AVL9: variants seen among roughly 807,000 people sequenced by gnomAD.
AVL9 encodes late secretory pathway protein AVL9 homolog.
In AVL9, 49 loss-of-function variants were observed where a neutral mutation model predicts 79.2. The observed-to-expected ratio is 0.62, with a 90% CI of 0.49 to 0.79. The LOEUF is 0.79. Among genes scored for constraint, AVL9 ranks in the 30% least tolerant of loss-of-function variants. The probability of loss-of-function intolerance (pLI) is 0.00; values close to 1 mark genes in which losing one functional copy is unlikely to be tolerated. For missense variants in AVL9, 682 were observed against 776.8 expected (o/e 0.88, Z 1.45); for synonymous variants, 299 against 280.6 (o/e 1.07, Z -0.65).
chr7:32,515,897 A>G (rs1276613156), intron 1 of AVL9, among the ~76,000 whole-genome samples: 3 of 152,028 alleles, frequency 2.0e-5, no homozygotes, highest in Admixed American at 6.6e-5. Flanking sequence ...AGAAAAAAAA[A>G]TCAATTTCTG....
At chr7:32,583,532 A>G (rs1562805138) in intron 15 of AVL9, among the ~76,000 whole-genome samples, 1 of 152,056 alleles carries the variant, frequency 6.6e-6, no homozygotes, top group African/African-American at 2.4e-5. Context: ...TCAAAAAATT[A>G]CCCAGGTGTG....
At chr7:32,522,710 A>G (rs1305104312) in intron 1 of AVL9, among the ~76,000 whole-genome samples, 1 of 152,088 alleles carries the variant, frequency 6.6e-6, no homozygotes, top group Non-Finnish European at 1.5e-5. Context: ...AGGACATGAA[A>G]TTTGGAGGGC....
intron 1 of AVL9, among the ~76,000 whole-genome samples, chr7:32,541,850 G>A (rs1200043810): frequency 6.6e-6 from 1 of 152,016 alleles, no homozygotes; most frequent in Non-Finnish European, 1.5e-5. Flanking sequence ...GAGTAGCTGG[G>A]ATTACAGGCA....
At chr7:32,526,281 G>A (rs535027821) in intron 1 of AVL9, among the ~76,000 whole-genome samples, 1 of 152,304 alleles carries the variant, frequency 6.6e-6, no homozygotes, top group South Asian at 2.1e-4. Context: ...AGGAGGTGCT[G>A]TTTTGGGAAA....
In AVL9 at chr7:32,559,044, C is replaced by T. The variant is rs2290214; in HGVS notation, c.795C>T (p.Ser265=). ...GTGCAGATGATTTTGTTTCTGCATC[C>T]ACTGCTGATGTTTCACATACCAACT... is the stretch of plus-strand genomic sequence containing the variant. The part of the protein sequence containing the change: ...NPCADDFVSA[S]TADVSHTNLG... The change falls in exon 10 of 16, where the codon TCC becomes TCT. Residue 265 remains serine, a synonymous_variant. Transcript: ENST00000318709. The T allele has an allele frequency of 0.17, 281,032 of 1,612,996 alleles. 27,085 individuals are homozygous for T. The highest frequency in any genetic ancestry group is 0.33 in the African/African-American group (24,677 of 74,888).
Position 32,553,739 on chromosome 7 carries a change from G to C in AVL9, c.542G>C (p.Arg181Pro), listed in dbSNP as rs1357790661. The change falls in exon 7 of 16, where the codon CGA becomes CCA. Residue 181 changes from arginine (R) to proline (P), a missense_variant. Coordinates refer to ENST00000318709, the MANE Select transcript of AVL9 (RefSeq NM_015060.3). The part of the protein sequence containing the change: ...GSQVYLGLSP[R>P]DLVLHFRHKV... Reference sequence around the variant, plus strand: ...GTTAACATTGTAGGTCTGTCACCTCGAGATCTTGTCCTTCATTTTCGACAC... The same window carrying C: ...GTTAACATTGTAGGTCTGTCACCTCCAGATCTTGTCCTTCATTTTCGACAC... The C allele has an allele frequency of 6.2e-7, 1 of 1,609,724 alleles. No individual in the cohort carries two copies. Among genetic ancestry groups the C allele is most frequent in the Non-Finnish European group, 8.5e-7 (1 of 1,177,188 alleles).
chr7:32,554,613 T>G lies in AVL9; in HGVS notation c.609+17T>G, dbSNP rs1789980092. On this transcript the variant is annotated intron_variant, in intron 8 of 15. Transcript: ENST00000318709. ...GAAAAAAAGGTACGATCCTAAGGGA[T>G]GAAAGGAAAGATGGAGTATTTAACT... 6.8e-7 allele frequency: 1 copy of G among 1,476,290 alleles called. No individual in the cohort carries two copies. Among genetic ancestry groups the G allele is most frequent in the Middle Eastern group, 1.8e-4 (1 of 5,520 alleles). The allele number at this position is 1,476,290 out of a possible 1,614,324, so 91.4% of individuals were successfully genotyped here. A position where few individuals can be genotyped will look rare whatever the true frequency, so the allele number is the denominator to read the frequency against.
chr7:32,579,518 T>A (rs1160266915), intron 13 of AVL9, among the ~76,000 whole-genome samples: 2 of 3,322 alleles, frequency 6.0e-4, no homozygotes, highest in African/African-American at 1.3e-3. Context: ...TATATTATAT[T>A]ATATATTATA....
At chr7:32,555,785 A>G (rs1280875394) in intron 8 of AVL9, among the ~76,000 whole-genome samples, 1 of 152,194 alleles carries the variant, frequency 6.6e-6, no homozygotes, top group East Asian at 1.9e-4. Flanking sequence ...GTCGGGGTTG[A>G]AAGAATGTTG....
In AVL9 at chr7:32,543,195, T is replaced by G. The variant is rs778011341; in HGVS notation, c.148T>G (p.Leu50Val). Residue 50 changes from leucine to valine, a missense_variant, in exon 2 of 16, where the codon TTA (leucine) becomes GTA (valine). By Grantham distance (32) the Leu-to-Val change is conservative. Transcript: ENST00000318709. ...IPGDGHDSHT[L>V]PEEWKYLPFL... ...AGGAGATGGACATGACAGCCACACT[T>G]TACCTGAAGAATGGAAGTATTTGCC... 6 of 1,614,164 alleles carry G rather than the reference T, an allele frequency of 3.7e-6. No homozygotes were observed. The South Asian group carries it at 6.6e-5, about 18-fold the overall frequency.
chr7:32,503,371 T>C (rs147309416), intron 1 of AVL9, among the ~76,000 whole-genome samples: 94,984 of 104,486 alleles, frequency 0.91, 43,615 homozygotes, highest in Non-Finnish European at 0.99. Flanking sequence ...GATATATATA[T>C]ATACACACAC....
intron 1 of AVL9, among the ~76,000 whole-genome samples, chr7:32,522,236 C>T (rs1333466727): frequency 6.6e-6 from 1 of 152,176 alleles, no homozygotes; most frequent in Admixed American, 6.5e-5. Context: ...GATCCACTGA[C>T]AGCTTGCACC....
intron 1 of AVL9, among the ~76,000 whole-genome samples, chr7:32,514,819 CT>C (rs766041376): frequency 6.6e-6 from 1 of 152,200 alleles, no homozygotes; most frequent in African/African-American, 2.4e-5. Context: ...AGCCCCACCC[CT>C]ATCTCCCTTC....
Position 32,573,288 on chromosome 7 carries a change from A to G in AVL9, c.1440A>G (p.Leu480=). ...CAGACCTAAGGTTCGCAGACTACCT[A>G]GTGAGGCACGTGACTGAGAATCGGG... is the stretch of plus-strand genomic sequence containing the variant. ...TTADLRFADY[L]VRHVTENRDD... is the part of the protein sequence containing the mutation. Residue 480 remains leucine (L), a synonymous_variant, in exon 12 of 16, where the codon CTA becomes CTG. Transcript: ENST00000318709. The G allele has an allele frequency of 1.2e-6, 2 of 1,613,826 alleles. No homozygotes were observed. The highest frequency in any genetic ancestry group is 1.7e-6 in the Non-Finnish European group (2 of 1,179,986).
In AVL9 at chr7:32,551,325, T is replaced by C. The variant is rs1265285049; in HGVS notation, c.373-9T>C. 1.3e-6 allele frequency: 2 copies of C among 1,560,092 alleles called. No individual in the cohort carries two copies. The highest frequency in any genetic ancestry group is 1.8e-6 in the Non-Finnish European group (2 of 1,136,922). On this transcript the variant is annotated splice_polypyrimidine_tract_variant and intron_variant, in intron 4 of 15. Transcript: ENST00000318709. The stretch of plus-strand genomic sequence containing the variant: ...TTAATCAATGGTAATTTCTCTTTTT[T>C]CCTTTAAGCCTCTGTATGGTTTACT...
intron 1 of AVL9, among the ~76,000 whole-genome samples, chr7:32,520,737 G>A (rs144530546): frequency 1.3e-5 from 2 of 152,266 alleles, no homozygotes; most frequent in African/African-American, 4.8e-5. Context: ...CCCTCCCACA[G>A]AATCATATGA....
intron 14 of AVL9, 59 bp downstream of exon 14, chr7:32,580,331 T>C: frequency 7.5e-7 from 1 of 1,329,540 alleles, no homozygotes; most frequent in Non-Finnish European, 1.1e-6. Context: ...GCCATGTGTT[T>C]CATTGCTAAT....
Position 32,527,666 on chromosome 7 carries a change from C to T in AVL9, c.94-15475C>T, listed in dbSNP as rs567828088. ...CACCCTTGACCATAGGGAGTCCCACCGAGGGACAGGATGGGCCCACGGCAG... is the reference window on the plus strand; with the variant it reads ...CACCCTTGACCATAGGGAGTCCCACTGAGGGACAGGATGGGCCCACGGCAG... On this transcript the variant is annotated intron_variant, in intron 1 of 15. Coordinates refer to ENST00000318709, the MANE Select transcript of AVL9 (RefSeq NM_015060.3). Among the ~76,000 whole-genome samples, 7 of 152,216 alleles carry T rather than the reference C, an allele frequency of 4.6e-5. No individual in the cohort carries two copies. The South Asian group carries it at 1.0e-3, about 23-fold the overall frequency.
intron 10 of AVL9, among the ~76,000 whole-genome samples, chr7:32,567,671 T>A (rs1351286642): frequency 6.6e-6 from 1 of 151,936 alleles, no homozygotes; most frequent in Non-Finnish European, 1.5e-5. Context: ...AATGTGCCCA[T>A]TTTTGCCCTT....
Sources: allele counts gnomAD v4.1 joint callset (sites outside exome capture counted in the v4.1 genomes callset), GRCh38; gene constraint gnomAD v4.1.1; transcripts MANE v1.5; gene names NCBI Gene and HGNC (gene_info 2026-07-23, HGNC 2026-07-21).